SLC25A6: variants seen among roughly 807,000 people sequenced by gnomAD.
SLC25A6 encodes the protein solute carrier family 25 member 6, also known as ADP/ATP translocase 3.
SLC25A6 carries 9 observed loss-of-function variants against 25.7 expected under a neutral mutation model. That is an observed-to-expected ratio of 0.35 (90% CI 0.21 to 0.61). SLC25A6 has a LOEUF of 0.61. SLC25A6 is among the 20% of genes least tolerant of loss of function. The pLI is 0.76. For synonymous variants in SLC25A6, 223 were observed against 197.0 expected (o/e 1.13, Z -1.11); for missense variants, 404 against 440.5 (o/e 0.92, Z 0.74).
chrX:1,392,037 G>A lies in SLC25A6; in HGVS notation c.-28C>T, dbSNP rs1298846020. 4 of 1,548,850 alleles carry A rather than the reference G, an allele frequency of 2.6e-6. No homozygotes were observed. Among genetic ancestry groups the A allele is most frequent in the East Asian group, 2.3e-5 (1 of 43,924 alleles). ...TGGCAGGGCGGGCAGCGGAACGGGA[G>A]GACAGCCGGAGAACGGGCGCGGAGA... On this transcript the variant is annotated 5_prime_UTR_variant, in exon 1 of 4. Coordinates refer to ENST00000381401, the MANE Select transcript of SLC25A6 (RefSeq NM_001636.4).
At chrX:1,388,294 C>T (rs1467997729) in intron 2 of SLC25A6, among the ~76,000 whole-genome samples, 1 of 151,084 alleles carries the variant, frequency 6.6e-6, no homozygotes, top group Non-Finnish European at 1.5e-5. Flanking sequence ...TACAGTCCAC[C>T]CACTCTATGG....
chrX:1,391,148 T>TC (rs60064852), intron 1 of SLC25A6, among the ~76,000 whole-genome samples: 2 of 151,398 alleles, frequency 1.3e-5, no homozygotes, highest in Non-Finnish European at 2.9e-5. Flanking sequence ...TAATTTTTTT[T>TC]GAGGTGAGGT....
At chrX:1,388,642 C>G (rs1164360726) in intron 2 of SLC25A6, among the ~76,000 whole-genome samples, 5 of 151,684 alleles carry the variant, frequency 3.3e-5, no homozygotes, top group African/African-American at 1.2e-4. Flanking sequence ...ATCTCCAAGC[C>G]CAGGAGAGAG....
chrX:1,389,995 G>A (rs1382662187), intron 1 of SLC25A6, among the ~76,000 whole-genome samples: 3 of 151,918 alleles, frequency 2.0e-5, no homozygotes, highest in Non-Finnish European at 4.4e-5. Flanking sequence ...TGCTGACCTC[G>A]TGAGCCACCG....
rs1176641251 is a variant in SLC25A6, at chrX:1,386,228, A to C, written c.*374T>G. Reference sequence around the variant, plus strand: ...CATACTCGCCAGTACTCGGCTGTGCAAAACAGGGGCTAGCGCTGAAGTACA... The same window carrying C: ...CATACTCGCCAGTACTCGGCTGTGCCAAACAGGGGCTAGCGCTGAAGTACA... On this transcript the variant is annotated 3_prime_UTR_variant, in exon 4 of 4. Coordinates refer to ENST00000381401, the MANE Select transcript of SLC25A6 (RefSeq NM_001636.4). 1.4e-5 allele frequency: 3 copies of C among 207,308 alleles called. No homozygotes were observed. The highest frequency in any genetic ancestry group is 6.9e-5 in the African/African-American group (3 of 43,624). 12.8% of individuals were successfully genotyped at this position (207,308 alleles called of 1,614,324 possible).
At chrX:1,387,489 G>A in intron 2 of SLC25A6, 70 bp from the exon 3 acceptor site, 22 of 1,589,590 alleles carry the variant, frequency 1.4e-5, no homozygotes, top group South Asian at 8.9e-5. Flanking sequence ...CGGCCCCCAG[G>A]GTGTGCTCAC....
Position 1,392,051 on chromosome X carries a change from C to T in SLC25A6, c.-42G>A. 1 of 1,488,238 alleles carries T rather than the reference C, an allele frequency of 6.7e-7. No homozygotes were observed. Among genetic ancestry groups the T allele is most frequent in the Non-Finnish European group, 9.2e-7 (1 of 1,082,820 alleles). 92.2% of individuals were successfully genotyped at this position (1,488,238 alleles called of 1,614,324 possible). The stretch of plus-strand genomic sequence containing the variant: ...GCGGAACGGGAGGACAGCCGGAGAA[C>T]GGGCGCGGAGAGTGAATGGAGGGCG... On this transcript the variant is annotated 5_prime_UTR_variant, in exon 1 of 4. Transcript: ENST00000381401.
intron 1 of SLC25A6, among the ~76,000 whole-genome samples, chrX:1,391,131 G>C (rs1490137958): frequency 9.3e-6 from 1 of 107,524 alleles, no homozygotes; most frequent in Non-Finnish European, 1.9e-5. Flanking sequence ...GCTTCGTTAA[G>C]TTAAAATAAT....
chrX:1,386,404 G>C lies in SLC25A6; in HGVS notation c.*198C>G. 1.5e-6 allele frequency: 1 copy of C among 645,672 alleles called. No individual in the cohort carries two copies. Among genetic ancestry groups the C allele is most frequent in the Non-Finnish European group, 2.4e-6 (1 of 421,464 alleles). The allele number at this position is 645,672 out of a possible 1,614,324, so 40.0% of individuals were successfully genotyped here. A position where few individuals can be genotyped will look rare whatever the true frequency, so the allele number is the denominator to read the frequency against. The stretch of plus-strand genomic sequence containing the variant: ...CGGTTCCCTCCCACCCCGTGATCAA[G>C]ACACGGAATCGGCTGCCGATGGTTG... On this transcript the variant is annotated 3_prime_UTR_variant, in exon 4 of 4. Transcript: ENST00000381401.
intron 1 of SLC25A6, 114 bp from the exon 2 acceptor site, chrX:1,389,841 G>A: frequency 1.3e-6 from 2 of 1,503,040 alleles, no homozygotes; most frequent in South Asian, 1.3e-5. Context: ...CCAAGCTGGA[G>A]TGCAATGGGG....
In SLC25A6 at chrX:1,387,263, C is replaced by G. The variant is rs770780559; in HGVS notation, c.739+16G>C. The G allele has an allele frequency of 6.2e-7, 1 of 1,609,280 alleles. No homozygotes were observed. The highest frequency in any genetic ancestry group is 1.7e-5 in the Admixed American group (1 of 59,928). ...TCCCCTTCCCGGCAGCAAGGGTCCC[C>G]CGCCCCCCCGAGTACCTCCTTTGCG... On this transcript the variant is annotated intron_variant, in intron 3 of 3. Coordinates refer to ENST00000381401, the MANE Select transcript of SLC25A6 (RefSeq NM_001636.4).
chrX:1,392,081 T>TA lies in SLC25A6; in HGVS notation c.-73_-72insT. 1.7e-6 allele frequency: 2 copies of TA among 1,171,192 alleles called. No homozygotes were observed. Among genetic ancestry groups the TA allele is most frequent in the Non-Finnish European group, 2.5e-6 (2 of 808,438 alleles). 72.5% of individuals were successfully genotyped at this position (1,171,192 alleles called of 1,614,324 possible). A position where few individuals can be genotyped will look rare whatever the true frequency, so the allele number is the denominator to read the frequency against. The stretch of plus-strand genomic sequence containing the variant: ...GCGGAGAGTGAATGGAGGGCGTCGC[T>TA]GGCTCAGCCCTGCCGCCGCCTGGAC... On this transcript the variant is annotated 5_prime_UTR_variant, in exon 1 of 4. Coordinates refer to ENST00000381401, the MANE Select transcript of SLC25A6 (RefSeq NM_001636.4).
rs1463958855 is a variant in SLC25A6, at chrX:1,391,910, G to A, written c.100C>T (p.Leu34=). ...GCCCGCGTCCCCACCTGCAGCAGCA[G>A]CTTGACCCGCTCGATCGGAGCCACG... ...TAVAPIERVK[L]LLQVQHASKQ... is the part of the protein sequence containing the mutation. The change falls in exon 1 of 4, where the codon CTG becomes TTG. Residue 34 remains leucine, a synonymous_variant. Coordinates refer to ENST00000381401, the MANE Select transcript of SLC25A6 (RefSeq NM_001636.4). 1.9e-6 allele frequency: 3 copies of A among 1,606,638 alleles called. No homozygotes were observed. Among genetic ancestry groups the A allele is most frequent in the South Asian group, 2.2e-5 (2 of 89,814 alleles).
chrX:1,387,234 T>C (rs765480572), intron 3 of SLC25A6, 45 bp downstream of exon 3: 9 of 1,603,020 alleles, frequency 5.6e-6, no homozygotes, highest in Non-Finnish European at 7.7e-6. Flanking sequence ...GCAAGGAGCT[T>C]GGTTCCCCTT....
chrX:1,388,411 G>A (rs1194153031), intron 2 of SLC25A6, among the ~76,000 whole-genome samples: 4 of 150,582 alleles, frequency 2.7e-5, no homozygotes, highest in African/African-American at 9.8e-5. Context: ...AGGGAAGACG[G>A]AGTCTCCAAG....
Position 1,387,375 on chromosome X carries a change from T to C in SLC25A6, c.643A>G (p.Met215Val), listed in dbSNP as rs1394374004. ...PKNTHIVVSW[M>V]IAQTVTAVAG... Reference sequence around the variant, plus strand: ...ACGGCCGTCACGGTCTGCGCGATCATCCAGCTCACCACGATGTGCGTGTTC... The same window carrying C: ...ACGGCCGTCACGGTCTGCGCGATCACCCAGCTCACCACGATGTGCGTGTTC... Residue 215 changes from methionine to valine, a missense_variant, in exon 3 of 4, where the codon ATG (methionine) becomes GTG (valine). Coordinates refer to ENST00000381401, the MANE Select transcript of SLC25A6 (RefSeq NM_001636.4). The C allele has an allele frequency of 1.2e-6, 2 of 1,613,294 alleles. No homozygotes were observed. Among genetic ancestry groups the C allele is most frequent in the Non-Finnish European group, 1.7e-6 (2 of 1,179,756 alleles).
chrX:1,390,848 T>C (rs1158054119), intron 1 of SLC25A6, among the ~76,000 whole-genome samples: 1 of 151,216 alleles, frequency 6.6e-6, no homozygotes, highest in East Asian at 2.0e-4. Flanking sequence ...CTTGCTATGT[T>C]GCCCTGGCTG....
intron 3 of SLC25A6, 57 bp from the exon 4 acceptor site, chrX:1,386,816 G>C: frequency 6.4e-7 from 1 of 1,562,226 alleles, no homozygotes; most frequent in South Asian, 1.2e-5. Flanking sequence ...AGACACGGAC[G>C]CCACCTGCAC....
In SLC25A6 at chrX:1,386,608, C is replaced by G. The variant is rs2089327448; in HGVS notation, c.891G>C (p.Val297=). 3.2e-6 allele frequency: 5 copies of G among 1,567,974 alleles called. No individual in the cohort carries two copies. Among genetic ancestry groups the G allele is most frequent in the Non-Finnish European group, 4.3e-6 (5 of 1,159,356 alleles). The change falls in exon 4 of 4, where the codon GTG becomes GTC. Residue 297 remains valine, a synonymous_variant. Transcript: ENST00000381401. Reference sequence around the variant, plus strand: ...GTGGAGGAGGCCGCGGCCCTTAGATCACCTTCTTGAGCTCGTCGTACAGGA... The same window carrying G: ...GTGGAGGAGGCCGCGGCCCTTAGATGACCTTCTTGAGCTCGTCGTACAGGA... The part of the protein sequence containing the change: ...VLVLYDELKK[V]I
Sources: allele counts gnomAD v4.1 joint callset (sites outside exome capture counted in the v4.1 genomes callset), GRCh38; gene constraint gnomAD v4.1.1; transcripts MANE v1.5; gene names NCBI Gene and HGNC (gene_info 2026-07-23, HGNC 2026-07-21).